Variants in ASIC4 observed in about 807,000 individuals in gnomAD.
ASIC4 encodes acid sensing ion channel subunit family member 4, also known as acid-sensing ion channel 4.
A neutral mutation model predicts 53.4 loss-of-function variants in ASIC4; 28 were observed. That is an observed-to-expected ratio of 0.52 (90% confidence interval 0.39 to 0.72). ASIC4 has a LOEUF of 0.72. ASIC4 is among the 30% of genes least tolerant of loss of function. The pLI, the probability that ASIC4 is intolerant of heterozygous loss-of-function variation, is 0.00. For synonymous variants in ASIC4, 289 were observed against 301.4 expected (o/e 0.96, Z 0.43); for missense variants, 649 against 729.7 (o/e 0.89, Z 1.27).
At chr2:219,533,787 C>T (rs1241213918) in intron 5 of ASIC4, 1 of 151,812 alleles carries the variant, frequency 6.6e-6, no homozygotes, top group African/African-American at 2.4e-5. Flanking sequence ...AGACCCAGCA[C>T]TTTGGGAGGC....
intron 5 of ASIC4, among the ~76,000 whole-genome samples, chr2:219,534,433 T>C (rs1031295626): frequency 1.6e-4 from 25 of 152,246 alleles, no homozygotes; most frequent in Non-Finnish European, 2.9e-4. Context: ...CCGAGAGGGC[T>C]GACTGACAGC....
Position 219,514,970 on chromosome 2 carries a change from G to A in ASIC4, c.246G>A (p.Leu82=), listed in dbSNP as rs1274517169. 6.2e-7 allele frequency: 1 copy of A among 1,613,218 alleles called. No homozygotes were observed. Among genetic ancestry groups the A allele is most frequent in the Admixed American group, 1.7e-5 (1 of 60,012 alleles). ...LALLTSLAAF[L]YQAAGLARGY... is the part of the protein sequence containing the mutation. Reference sequence around the variant, plus strand: ...TACTCACCTCGCTGGCTGCCTTCCTGTACCAGGCGGCTGGCCTGGCCCGGG... The same window carrying A: ...TACTCACCTCGCTGGCTGCCTTCCTATACCAGGCGGCTGGCCTGGCCCGGG... The change falls in exon 1 of 10, where the codon CTG becomes CTA. Residue 82 remains leucine (L), a synonymous_variant. Transcript: ENST00000358078.
At position 219,538,050 on chromosome 2, in the gene ASIC4, G is replaced by A. The variant is rs768468169; in HGVS notation, c.*4G>A. 9.9e-6 allele frequency: 16 copies of A among 1,609,602 alleles called. No individual in the cohort carries two copies. The highest frequency in any genetic ancestry group is 1.3e-5 in the Non-Finnish European group (15 of 1,177,436). On this transcript the variant is annotated 3_prime_UTR_variant, in exon 10 of 10. Transcript: ENST00000358078. Reference sequence around the variant, plus strand: ...CTTTGAAGATTTTGCTTGCTAGGACGGTGCTGTGACTGAAAGGACCCAGGA... The same window carrying A: ...CTTTGAAGATTTTGCTTGCTAGGACAGTGCTGTGACTGAAAGGACCCAGGA...
At chr2:219,529,700 T>C (rs1169445005) in intron 1 of ASIC4, among the ~76,000 whole-genome samples, 2 of 152,176 alleles carry the variant, frequency 1.3e-5, no homozygotes, top group Non-Finnish European at 2.9e-5. Context: ...AGCTGTGATG[T>C]CCTCATCTGA....
chr2:219,518,964 C>T lies in ASIC4; in HGVS notation c.582+3658C>T, dbSNP rs543501577. Among the ~76,000 whole-genome samples the T allele has an allele frequency of 7.2e-5, 11 of 152,224 alleles. No individual in the cohort carries two copies. The East Asian group carries it at 1.2e-3, about 16-fold the overall frequency. ...TGTTGCCCAGGCTGGAGTGCAGCGG[C>T]GCGATCTCGGCTCACTACAGGCTCC... On this transcript the variant is annotated intron_variant, in intron 1 of 9. Coordinates refer to ENST00000358078, the MANE Select transcript of ASIC4 (RefSeq NM_018674.6). This position sits in a 1 kb window ranked among gnomAD's most constrained non-coding sequence, Gnocchi z 4.8.
chr2:219,529,692 C>A (rs1475981512), intron 1 of ASIC4, among the ~76,000 whole-genome samples: 1 of 152,174 alleles, frequency 6.6e-6, no homozygotes, highest in Non-Finnish European at 1.5e-5. Context: ...CTTCTCTGAG[C>A]TGTGATGTCC....
Position 219,518,912 on chromosome 2 carries a change from G to T in ASIC4, c.582+3606G>T, listed in dbSNP as rs1156640909. Among the ~76,000 whole-genome samples, 1 of 152,056 alleles carries T rather than the reference G, an allele frequency of 6.6e-6. No homozygotes were observed. Among genetic ancestry groups the T allele is most frequent in the Admixed American group, 6.6e-5 (1 of 15,264 alleles). ...CATCGGTTTGTGTATTCTTTTTTTTGTTTGTTTTTTTGAGACAGAGTCTCG... is the reference window on the plus strand; with the variant it reads ...CATCGGTTTGTGTATTCTTTTTTTTTTTTGTTTTTTTGAGACAGAGTCTCG... On this transcript the variant is annotated intron_variant, in intron 1 of 9. Transcript: ENST00000358078. This position sits in a 1 kb window ranked among gnomAD's most constrained non-coding sequence, Gnocchi z 4.8.
In ASIC4 at chr2:219,518,094, A is replaced by G. The variant is rs904767380; in HGVS notation, c.582+2788A>G. The stretch of plus-strand genomic sequence containing the variant: ...TTCATGCACTCCCAATCAGTCAGTC[A>G]ATCAATCAACATGGAGTTCTGGGTG... On this transcript the variant is annotated intron_variant, in intron 1 of 9. Transcript: ENST00000358078. The surrounding 1 kb of genome is among the most constrained non-coding windows in gnomAD (Gnocchi z 4.8). Among the ~76,000 whole-genome samples, 3 of 152,054 alleles carry G rather than the reference A, an allele frequency of 2.0e-5. No individual in the cohort carries two copies.
At chr2:219,513,558 G>A (rs1284462895), upstream of ASIC4, among the ~76,000 whole-genome samples, 2 of 152,124 alleles carry the variant, frequency 1.3e-5, no homozygotes, top group East Asian at 3.9e-4. Flanking sequence ...CCCCACTGGG[G>A]CTCTTCCTCT....
At position 219,537,885 on chromosome 2, in the gene ASIC4, A is replaced by G. The variant is rs1207646680; in HGVS notation, c.1507-48A>G. On this transcript the variant is annotated intron_variant, in intron 9 of 9. Coordinates refer to ENST00000358078, the MANE Select transcript of ASIC4 (RefSeq NM_018674.6). The surrounding 1 kb of genome is among the most constrained non-coding windows in gnomAD (Gnocchi z 4.9). ...GGCTGGCGGTGTGAGCCCTGGGGGCACCACTTGAGCTCTCCCGGTCCCACT... is the reference window on the plus strand; with the variant it reads ...GGCTGGCGGTGTGAGCCCTGGGGGCGCCACTTGAGCTCTCCCGGTCCCACT... 6.6e-6 allele frequency: 10 copies of G among 1,520,142 alleles called. No individual in the cohort carries two copies. The East Asian group carries it at 1.9e-4, about 28-fold the overall frequency. The allele number at this position is 1,520,142 out of a possible 1,614,324, so 94.2% of individuals were successfully genotyped here.
At chr2:219,511,437 C>T (rs1292639557), upstream of ASIC4, among the ~76,000 whole-genome samples, 1 of 151,762 alleles carries the variant, frequency 6.6e-6, no homozygotes, top group East Asian at 1.9e-4. This position sits in a 1 kb window ranked among gnomAD's most constrained non-coding sequence, Gnocchi z 5.3. Flanking sequence ...CGTCCCAGTC[C>T]ATCTACCACT....
At chr2:219,511,600 C>T (rs1694702564), upstream of ASIC4, among the ~76,000 whole-genome samples, 1 of 152,182 alleles carries the variant, frequency 6.6e-6, no homozygotes. The surrounding 1 kb of genome is among the most constrained non-coding windows in gnomAD (Gnocchi z 5.3). Flanking sequence ...CCCGGCACTC[C>T]CAGTCCAGGG....
intron 4 of ASIC4, 189 bp from the exon 5 acceptor site, chr2:219,532,694 G>A: frequency 1.2e-6 from 1 of 814,486 alleles, no homozygotes; most frequent in Non-Finnish European, 1.9e-6. Context: ...ATGTTAATAT[G>A]TATTTGTGTA....
chr2:219,531,346 A>T (rs1695037592), intron 1 of ASIC4, among the ~76,000 whole-genome samples: 1 of 152,168 alleles, frequency 6.6e-6, no homozygotes. Context: ...AGCCTGGGCA[A>T]CAGAGCAAGA....
At chr2:219,528,082 C>T (rs910274446) in intron 1 of ASIC4, among the ~76,000 whole-genome samples, 7 of 152,246 alleles carry the variant, frequency 4.6e-5, no homozygotes, top group Admixed American at 2.0e-4. Context: ...GGAGCATATA[C>T]GCAAAACTGG....
intron 1 of ASIC4, 65 bp from the exon 2 acceptor site, chr2:219,531,693 G>C: frequency 2.0e-6 from 3 of 1,519,266 alleles, no homozygotes; most frequent in Non-Finnish European, 2.7e-6. Flanking sequence ...AGGGAGCAGG[G>C]AACTTCGGAG....
At chr2:219,508,558 G>T in the ASIC4 span, among the ~76,000 whole-genome samples, 1 of 151,838 alleles carries the variant, frequency 6.6e-6, no homozygotes, top group African/African-American at 2.4e-5. Context: ...TTGTTGGGGG[G>T]GGTCTAAGAA....
At chr2:219,533,315 C>T (rs1695074171) in intron 5 of ASIC4, 1 of 345,090 alleles carries the variant, frequency 2.9e-6, no homozygotes, top group African/African-American at 2.1e-5. Context: ...CATCTGTCCA[C>T]AGATCTTGCC....
intron 1 of ASIC4, among the ~76,000 whole-genome samples, chr2:219,529,917 T>C (rs1337581842): frequency 6.6e-6 from 1 of 151,936 alleles, no homozygotes; most frequent in East Asian, 1.9e-4. Context: ...CAGGGTGGTC[T>C]ACTTCTCAGG....
Sources: allele counts gnomAD v4.1 joint callset (sites outside exome capture counted in the v4.1 genomes callset), GRCh38; gene constraint gnomAD v4.1.1; non-coding constraint Gnocchi (gnomAD v3.1); transcripts MANE v1.5; gene names NCBI Gene and HGNC (gene_info 2026-07-23, HGNC 2026-07-21).